The following COL4A1 variants were observed in gnomAD, a reference collection of about 807,000 sequenced individuals.
COL4A1 encodes the protein collagen type IV alpha 1 chain.
Under a neutral mutation model 216.6 loss-of-function variants are expected in COL4A1, and 40 were observed. The ratio of observed to expected loss-of-function variants is 0.18; its 90% CI spans 0.14 to 0.24. The LOEUF (loss-of-function observed/expected upper bound fraction) is 0.24. Ranked by LOEUF, COL4A1 falls within the 10% of genes least tolerant of loss-of-function variation. The pLI, the probability that COL4A1 is intolerant of heterozygous loss-of-function variation, is 1.00. For synonymous variants in COL4A1, 839 were observed against 810.7 expected, an observed-to-expected ratio of 1.03 and a Z score of -0.59; for missense variants, 1,628 against 2,196.8, an observed-to-expected ratio of 0.74 and a Z score of 5.18.
intron 1 of COL4A1, chr13:110,265,108 T>C (rs1394479557): frequency 6.6e-6 from 1 of 152,228 alleles, no homozygotes; most frequent in Non-Finnish European, 1.5e-5. Context: ...GCCTTCTCCA[T>C]TCTCCCTTAG....
At chr13:110,253,464 C>T (rs192523010) in intron 1 of COL4A1, among the ~76,000 whole-genome samples, 15 of 28,220 alleles carry the variant, frequency 5.3e-4, no homozygotes, top group African/African-American at 1.1e-3. Context: ...ATATGTATTA[C>T]ATATACATAT....
At chr13:110,186,961 G>A (rs1331506826) in intron 25 of COL4A1, among the ~76,000 whole-genome samples, 177 bp downstream of exon 25, 1 of 152,166 alleles carries the variant, frequency 6.6e-6, no homozygotes, top group Non-Finnish European at 1.5e-5. Context: ...ATAATAACTG[G>A]CAATGCCTAG....
At chr13:110,201,010 G>T in intron 19 of COL4A1, 121 bp from the exon 20 acceptor site, 1 of 1,098,166 alleles carries the variant, frequency 9.1e-7, no homozygotes, top group South Asian at 1.3e-5. Flanking sequence ...CAAAGGGAAC[G>T]TAGAAAACAG....
In COL4A1 at chr13:110,232,668, C is replaced by T. The variant is rs952569642; in HGVS notation, c.144+10007G>A. On this transcript the variant is annotated intron_variant, in intron 2 of 51. Transcript: ENST00000375820. The stretch of plus-strand genomic sequence containing the variant: ...CATAAATAGTCGGGACAGAGGCTGC[C>T]GGTGCTGGGCCACACCAATGACAGC... Among the ~76,000 whole-genome samples the T allele has an allele frequency of 1.4e-4, 21 of 152,254 alleles. No homozygotes were observed. In the South Asian group the frequency reaches 1.5e-3, roughly 11 times the overall value.
intron 2 of COL4A1, among the ~76,000 whole-genome samples, chr13:110,230,745 T>C (rs1775589061): frequency 6.6e-6 from 1 of 152,254 alleles, no homozygotes; most frequent in African/African-American, 2.4e-5. Flanking sequence ...CCCCGTGGTA[T>C]GTTCCTCTGC....
intron 1 of COL4A1, among the ~76,000 whole-genome samples, chr13:110,297,037 G>A (rs929279036): frequency 2.8e-4 from 43 of 152,288 alleles, no homozygotes; most frequent in African/African-American, 1.0e-3. Context: ...AGCTCCTCAA[G>A]CCCGTCTTTT....
intron 33 of COL4A1, 147 bp from the exon 34 acceptor site, chr13:110,177,184 G>A (rs1414679049): frequency 7.3e-7 from 1 of 1,368,932 alleles, no homozygotes; most frequent in Non-Finnish European, 9.9e-7. Flanking sequence ...AATGGCCAGT[G>A]TCTGAGACAC....
At chr13:110,249,035 A>G (rs1295424997) in intron 1 of COL4A1, among the ~76,000 whole-genome samples, 1 of 152,062 alleles carries the variant, frequency 6.6e-6, no homozygotes, top group East Asian at 1.9e-4. Context: ...CCCCAGCTCC[A>G]TGGACCCCCA....
At position 110,196,339 on chromosome 13, in the gene COL4A1, G is replaced by A. The variant is rs77141750; in HGVS notation, c.1286-1221C>T. 4.4e-3 allele frequency among the ~76,000 whole-genome samples: 669 copies of A among 152,284 alleles called. 5 individuals are homozygous for A. The highest frequency in any genetic ancestry group is 0.016 in the African/African-American group (651 of 41,560). ...TCCTCGTTAGCCCTTCGACATTGGT[G>A]CAGCTGGCACCATCGTCTTAAACAA... On this transcript the variant is annotated intron_variant, in intron 21 of 51. Transcript: ENST00000375820.
At chr13:110,273,097 A>G (rs1297451362) in intron 1 of COL4A1, among the ~76,000 whole-genome samples, 1 of 152,212 alleles carries the variant, frequency 6.6e-6, no homozygotes, top group Non-Finnish European at 1.5e-5. Flanking sequence ...TGGCTGCCTG[A>G]TCATGTCTCA....
rs565338278 is a variant in COL4A1, at chr13:110,250,762, G to A, written c.85-8028C>T. Among the ~76,000 whole-genome samples, 18 of 152,310 alleles carry A rather than the reference G, an allele frequency of 1.2e-4. No individual in the cohort carries two copies. In the South Asian group the frequency reaches 3.1e-3, roughly 26 times the overall value. On this transcript the variant is annotated intron_variant, in intron 1 of 51. Transcript: ENST00000375820. ...GGCATGACCTGGGGCGAGCCTTCCC[G>A]TGCTTGTGAGTCACTGGCCTGACGC...
Position 110,169,661 on chromosome 13 carries a change from G to A in COL4A1, c.3844C>T (p.Pro1282Ser). The A allele has an allele frequency of 6.2e-7, 1 of 1,614,070 alleles. No homozygotes were observed. ...GWPGAPGVPG[P>S]KGDPGFQGMP... is the part of the protein sequence containing the mutation. ...CCCTGGAATCCAGGGTCTCCCTTGG[G>A]CCCTGGGACACCGGGTGCTCCTGGC... Residue 1282 changes from proline to serine, a missense_variant, in exon 43 of 52, where the codon CCC (proline) becomes TCC (serine). Physicochemically the swap from Pro to Ser is moderately conservative, Grantham distance 74. Around this residue, in one of 8 missense-constraint regions of COL4A1, gnomAD observed 345 missense variants for 476.9 expected, o/e 0.72. Coordinates refer to ENST00000375820, the MANE Select transcript of COL4A1 (RefSeq NM_001845.6).
chr13:110,289,523 G>A (rs1473161141), intron 1 of COL4A1, among the ~76,000 whole-genome samples: 1 of 152,138 alleles, frequency 6.6e-6, no homozygotes, highest in Non-Finnish European at 1.5e-5. Flanking sequence ...CAGGCCTTGA[G>A]TTCACCGATT....
At chr13:110,228,126 G>A (rs1012916262) in intron 2 of COL4A1, among the ~76,000 whole-genome samples, 2 of 152,064 alleles carry the variant, frequency 1.3e-5, no homozygotes, top group African/African-American at 4.8e-5. Flanking sequence ...CGGGACCATC[G>A]CGGAGCACCT....
At chr13:110,173,822 C>T in intron 40 of COL4A1, 78 bp downstream of exon 40, 2 of 1,542,402 alleles carry the variant, frequency 1.3e-6, no homozygotes, top group Middle Eastern at 1.7e-4. Context: ...CAGCTTTATT[C>T]ACTGAACACA....
chr13:110,157,259 A>C (rs912683948), intron 49 of COL4A1, among the ~76,000 whole-genome samples: 1 of 152,244 alleles, frequency 6.6e-6, no homozygotes, highest in African/African-American at 2.4e-5. Flanking sequence ...AGCAATTAGC[A>C]ATCAGTATTT....
chr13:110,253,638 G>C (rs1209322789), intron 1 of COL4A1, among the ~76,000 whole-genome samples: 1 of 143,130 alleles, frequency 7.0e-6, no homozygotes, highest in Admixed American at 7.1e-5. Context: ...ATATATGTAT[G>C]TATGTATTAC....
rs146198919 is a variant in COL4A1 at position 110,200,927 on chromosome 13, G to C, written c.1085-38C>G. Reference sequence around the variant, plus strand: ...AGAGAGTGTTGGATCAAACAGAACAGTTCACCCGTTTGTATACACTTCTTA... The same window carrying C: ...AGAGAGTGTTGGATCAAACAGAACACTTCACCCGTTTGTATACACTTCTTA... On this transcript the variant is annotated intron_variant, in intron 19 of 51. Transcript: ENST00000375820. 8.5e-5 allele frequency: 136 copies of C among 1,608,250 alleles called. 1 individual carries two copies. The Middle Eastern group carries it at 4.3e-3, about 51-fold the overall frequency.
chr13:110,289,727 C>T (rs1220983315), intron 1 of COL4A1, among the ~76,000 whole-genome samples: 3 of 152,198 alleles, frequency 2.0e-5, no homozygotes, highest in Non-Finnish European at 2.9e-5. Flanking sequence ...ACCTTCAGGG[C>T]TAAATACCAA....
Sources: allele counts gnomAD v4.1 joint callset (sites outside exome capture counted in the v4.1 genomes callset), GRCh38; gene constraint gnomAD v4.1.1; regional missense constraint gnomAD v4.1.1; transcripts MANE v1.5; gene names NCBI Gene and HGNC (gene_info 2026-07-23, HGNC 2026-07-21).